The following BMP7 variants were observed in gnomAD, a reference collection of about 807,000 sequenced individuals.
The protein encoded by BMP7 is osteogenic protein 1.
BMP7 carries 12 observed loss-of-function variants against 41.2 expected under a neutral mutation model. That is an observed-to-expected ratio of 0.29 (90% CI 0.19 to 0.47). The LOEUF (loss-of-function observed/expected upper bound fraction) is 0.47. Ranked by LOEUF, BMP7 falls within the 20% of genes least tolerant of loss-of-function variation. The pLI, the probability that BMP7 is intolerant of heterozygous loss-of-function variation, is 0.99. For synonymous variants in BMP7, 248 were observed against 250.0 expected (o/e 0.99, Z 0.07); for missense variants, 467 against 606.0 (o/e 0.77, Z 2.41).
intron 3 of BMP7, among the ~76,000 whole-genome samples, chr20:57,198,007 AG>A (rs1984535024): frequency 6.6e-6 from 1 of 151,916 alleles, no homozygotes; most frequent in South Asian, 2.1e-4. Flanking sequence ...ACAAGGTGGG[AG>A]GAGCCCCGAG....
intron 3 of BMP7, 104 bp downstream of exon 3, chr20:57,202,371 C>T (rs534921788): frequency 2.9e-5 from 43 of 1,467,968 alleles, no homozygotes; most frequent in Admixed American, 3.9e-5. Context: ...TTGGGAGGGG[C>T]GGGGAAGCCT....
rs1039813159 is a variant in BMP7, at chr20:57,224,335, G to A, written c.611+3894C>T. On this transcript the variant is annotated intron_variant, in intron 2 of 6. Transcript: ENST00000395863. The surrounding 1 kb of genome is among the most constrained non-coding windows in gnomAD (Gnocchi z 4.8). ...CCAACATCATCTCGACCTTGGTGGC[G>A]GCCGACTCCCTTGGAGCAGATTCTG... 5.9e-5 allele frequency among the ~76,000 whole-genome samples: 9 copies of A among 152,194 alleles called. 1 individual carries two copies. The highest frequency in any genetic ancestry group is 1.3e-4 in the Non-Finnish European group (9 of 68,036).
intron 1 of BMP7, among the ~76,000 whole-genome samples, chr20:57,264,323 G>A (rs921648285): frequency 2.0e-5 from 3 of 152,228 alleles, no homozygotes; most frequent in African/African-American, 7.2e-5. Flanking sequence ...CACAGCGCCC[G>A]TGGGCGTGAG....
rs2066017494 is a variant in BMP7 at position 57,228,660 on chromosome 20, G to C, written c.419-239C>G. The stretch of plus-strand genomic sequence containing the variant: ...AAGAGCATGATTCTGCATCCAACCT[G>C]CTGGGAAAAGTAGGGCACTAACCAC... On this transcript the variant is annotated intron_variant, in intron 1 of 6. Transcript: ENST00000395863. This position sits in a 1 kb window ranked among gnomAD's most constrained non-coding sequence, Gnocchi z 4.5. Among the ~76,000 whole-genome samples, 2 of 152,196 alleles carry C rather than the reference G, an allele frequency of 1.3e-5. No individual in the cohort carries two copies. Among genetic ancestry groups the C allele is most frequent in the African/African-American group, 2.4e-5 (1 of 41,444 alleles).
chr20:57,242,831 C>A (rs949648132), intron 1 of BMP7, among the ~76,000 whole-genome samples: 1 of 151,464 alleles, frequency 6.6e-6, no homozygotes, highest in African/African-American at 2.4e-5. Flanking sequence ...GCTGAAACAT[C>A]GTCTCTACTA....
Position 57,224,105 on chromosome 20 carries a change from G to A in BMP7, c.611+4124C>T, listed in dbSNP as rs1461542802. 1.3e-5 allele frequency among the ~76,000 whole-genome samples: 2 copies of A among 152,170 alleles called. No homozygotes were observed. The highest frequency in any genetic ancestry group is 1.9e-4 in the East Asian group (1 of 5,192). ...TAGTCGAGGGCAAGAGCCTCTGCCT[G>A]GGCTGAAGGGACCCAGGAAACTGAG... is the stretch of plus-strand genomic sequence containing the variant. On this transcript the variant is annotated intron_variant, in intron 2 of 6. Coordinates refer to ENST00000395863, the MANE Select transcript of BMP7 (RefSeq NM_001719.3). This position sits in a 1 kb window ranked among gnomAD's most constrained non-coding sequence, Gnocchi z 4.8.
Position 57,174,706 on chromosome 20 carries a change from G to C in BMP7, c.1035+225C>G, listed in dbSNP as rs1983883516. ...CAGAGAATGGGGTTCAGAGTCCAAA[G>C]TGTTTGGGTTCCTGGTTCAAGTTCA... On this transcript the variant is annotated intron_variant, in intron 5 of 6. Transcript: ENST00000395863. The surrounding 1 kb of genome is among the most constrained non-coding windows in gnomAD (Gnocchi z 4.3). Among the ~76,000 whole-genome samples the C allele has an allele frequency of 6.6e-6, 1 of 152,208 alleles. No individual in the cohort carries two copies. Among genetic ancestry groups the C allele is most frequent in the Non-Finnish European group, 1.5e-5 (1 of 68,030 alleles).
At chr20:57,184,095 C>T (rs1368357156) in intron 3 of BMP7, among the ~76,000 whole-genome samples, 176 bp from the exon 4 acceptor site, 3 of 152,190 alleles carry the variant, frequency 2.0e-5, no homozygotes, top group Non-Finnish European at 4.4e-5. Context: ...ACTTGGAACA[C>T]AACTGTGAAA....
At chr20:57,180,287 C>T (rs1984046765) in intron 4 of BMP7, among the ~76,000 whole-genome samples, 1 of 150,376 alleles carries the variant, frequency 6.6e-6, no homozygotes. Context: ...CCCGCCCACC[C>T]TCACTCCCCT....
At chr20:57,207,097 T>C (rs745832646) in intron 2 of BMP7, among the ~76,000 whole-genome samples, 1 of 152,232 alleles carries the variant, frequency 6.6e-6, no homozygotes, top group African/African-American at 2.4e-5. Flanking sequence ...CCATGTGATC[T>C]GCTGTGACCA....
rs1409376448 is a variant in BMP7 at position 57,266,142 on chromosome 20, A to C, written c.-20T>G. On this transcript the variant is annotated 5_prime_UTR_variant, in exon 1 of 7. Transcript: ENST00000395863. ...GTGCATCGCGCCGGCTCTACGCGCTACCCGGGCTCCGGGCTCCGGGCCCGC... is the reference window on the plus strand; with the variant it reads ...GTGCATCGCGCCGGCTCTACGCGCTCCCCGGGCTCCGGGCTCCGGGCCCGC... The C allele has an allele frequency of 6.6e-7, 1 of 1,514,260 alleles. No individual in the cohort carries two copies. The highest frequency in any genetic ancestry group is 8.8e-7 in the Non-Finnish European group (1 of 1,136,382). The allele number at this position is 1,514,260 out of a possible 1,614,324, so 93.8% of individuals were successfully genotyped here.
At chr20:57,234,841 T>C (rs2066041771) in intron 1 of BMP7, among the ~76,000 whole-genome samples, 1 of 152,250 alleles carries the variant, frequency 6.6e-6, no homozygotes, top group South Asian at 2.1e-4. Context: ...TCTTCTGCAT[T>C]GAACACATTA....
At chr20:57,183,234 C>CAA (rs527278475) in intron 4 of BMP7, among the ~76,000 whole-genome samples, 21 of 131,592 alleles carry the variant, frequency 1.6e-4, no homozygotes, top group African/African-American at 5.8e-4. Context: ...GACTTCATCT[C>CAA]AAAAAAAAAA....
At chr20:57,191,125 G>A (rs1226775201) in intron 3 of BMP7, among the ~76,000 whole-genome samples, 1 of 152,204 alleles carries the variant, frequency 6.6e-6, no homozygotes, top group South Asian at 2.1e-4. Context: ...CATCGCAGCC[G>A]AGTCTGACCT....
intron 2 of BMP7, among the ~76,000 whole-genome samples, chr20:57,222,889 A>G (rs1985222475): frequency 7.0e-6 from 1 of 143,334 alleles, no homozygotes. Flanking sequence ...CAGAGTCCAA[A>G]GGGATCTTCA....
intron 2 of BMP7, among the ~76,000 whole-genome samples, chr20:57,216,379 G>T (rs1985018621): frequency 6.6e-6 from 1 of 152,204 alleles, no homozygotes. Context: ...GAGAGGGCGG[G>T]GAAGTAAGGC....
rs1026461214 is a variant in BMP7, at chr20:57,228,416, G to T, written c.424C>A (p.His142Asn). ...CGTGGGTGGAAGAATTCCTTGTCATGTTCCACTGGAAGAGGAAGAGAACAC... is the reference window on the plus strand; with the variant it reads ...CGTGGGTGGAAGAATTCCTTGTCATTTTCCACTGGAAGAGGAAGAGAACAC... Reference protein sequence around the residue: ...MVMSFVNLVEHDKEFFHPRYH... With the variant: ...MVMSFVNLVENDKEFFHPRYH... Residue 142 changes from histidine to asparagine, a missense_variant, in exon 2 of 7, where the codon CAT becomes AAT. Coordinates refer to ENST00000395863, the MANE Select transcript of BMP7 (RefSeq NM_001719.3). The surrounding 1 kb of genome is among the most constrained non-coding windows in gnomAD (Gnocchi z 4.5). 1 of 1,614,122 alleles carries T rather than the reference G, an allele frequency of 6.2e-7. No individual in the cohort carries two copies. Among genetic ancestry groups the T allele is most frequent in the Non-Finnish European group, 8.5e-7 (1 of 1,179,964 alleles).
chr20:57,206,834 A>G (rs1382175307), intron 2 of BMP7, among the ~76,000 whole-genome samples: 1 of 152,250 alleles, frequency 6.6e-6, no homozygotes, highest in Admixed American at 6.5e-5. Flanking sequence ...AGGAAATCCT[A>G]GGATGGGGAC....
intron 1 of BMP7, among the ~76,000 whole-genome samples, chr20:57,251,173 C>T (rs567353026): frequency 1.3e-5 from 2 of 152,212 alleles, no homozygotes; most frequent in African/African-American, 2.4e-5. Flanking sequence ...CAGCTGCAGG[C>T]GGCCCGAGGT....
Sources: gnomAD v4.1 joint callset for allele counts (sites outside exome capture counted in the v4.1 genomes callset) on GRCh38, gnomAD v4.1.1 for gene constraint, Gnocchi (gnomAD v3.1) non-coding constraint, MANE v1.5 for transcripts, NCBI Gene and HGNC (gene_info 2026-07-23, HGNC 2026-07-21) for gene names.